Variants in ADAMTS3 observed in about 807,000 individuals in gnomAD.
The protein encoded by ADAMTS3 is A disintegrin and metalloproteinase with thrombospondin motifs 3.
ADAMTS3 carries 73 observed loss-of-function variants against 129.0 expected under a neutral mutation model. The observed-to-expected ratio is 0.57, with a 90% CI of 0.47 to 0.69. The LOEUF is 0.69. Ranked by LOEUF, ADAMTS3 falls within the 30% of genes least tolerant of loss-of-function variation. The pLI is 0.00. For missense variants in ADAMTS3, 1,457 were observed against 1,514.5 expected (o/e 0.96, Z 0.63); for synonymous variants, 477 against 510.8 (o/e 0.93, Z 0.89).
At chr4:72,417,160 C>A (rs576079836) in intron 3 of ADAMTS3, among the ~76,000 whole-genome samples, 1 of 152,180 alleles carries the variant, frequency 6.6e-6, no homozygotes, top group Non-Finnish European at 1.5e-5. Flanking sequence ...ACTAACATTT[C>A]CTTAGTTATA....
At chr4:72,363,212 T>C (rs925310459) in intron 4 of ADAMTS3, among the ~76,000 whole-genome samples, 1 of 152,062 alleles carries the variant, frequency 6.6e-6, no homozygotes, top group African/African-American at 2.4e-5. Context: ...AAAACATATA[T>C]ACCGCTGATG....
At chr4:72,521,084 A>C (rs1720660055) in intron 3 of ADAMTS3, among the ~76,000 whole-genome samples, 1 of 149,504 alleles carries the variant, frequency 6.7e-6, no homozygotes, top group South Asian at 2.1e-4. Flanking sequence ...TGCAACCTCC[A>C]CCTCCCCGGT....
chr4:72,423,416 C>T (rs948715705), intron 3 of ADAMTS3, among the ~76,000 whole-genome samples: 7 of 152,042 alleles, frequency 4.6e-5, no homozygotes, highest in African/African-American at 1.2e-4. Flanking sequence ...TATTTTAGTT[C>T]GCTAAGGTTC....
intron 3 of ADAMTS3, among the ~76,000 whole-genome samples, chr4:72,546,288 G>C (rs567482450): frequency 6.6e-6 from 1 of 152,210 alleles, no homozygotes; most frequent in African/African-American, 2.4e-5. Context: ...TACCAGTAAA[G>C]ATCTCTGTTA....
intron 3 of ADAMTS3, among the ~76,000 whole-genome samples, chr4:72,444,877 G>A (rs911608625): frequency 2.0e-5 from 3 of 151,700 alleles, no homozygotes; most frequent in South Asian, 2.1e-4. Context: ...GAAAGGAAAC[G>A]AAGAACTGAT....
At chr4:72,406,279 T>C (rs550773396) in intron 4 of ADAMTS3, among the ~76,000 whole-genome samples, 4 of 152,268 alleles carry the variant, frequency 2.6e-5, no homozygotes, top group East Asian at 3.9e-4. Context: ...AGCCCAGCAA[T>C]GCCTACTTGG....
At chr4:72,292,831 C>T (rs571941638) in intron 19 of ADAMTS3, among the ~76,000 whole-genome samples, 1 of 152,238 alleles carries the variant, frequency 6.6e-6, no homozygotes, top group East Asian at 1.9e-4. Flanking sequence ...CAGTTTAAGA[C>T]TGCTTTAGCT....
chr4:72,455,549 C>A (rs112491075), intron 3 of ADAMTS3, among the ~76,000 whole-genome samples: 1 of 148,936 alleles, frequency 6.7e-6, no homozygotes, highest in African/African-American at 2.5e-5. Context: ...GTGCAGCAAA[C>A]CATCATGGTA....
At chr4:72,415,978 C>T (rs951395290) in intron 3 of ADAMTS3, among the ~76,000 whole-genome samples, 2 of 151,364 alleles carry the variant, frequency 1.3e-5, no homozygotes, top group South Asian at 4.2e-4. Context: ...TTAGAGATGC[C>T]ATATTTTTTC....
intron 3 of ADAMTS3, among the ~76,000 whole-genome samples, chr4:72,527,980 A>T (rs1418749834): frequency 6.6e-6 from 1 of 152,182 alleles, no homozygotes; most frequent in Non-Finnish European, 1.5e-5. Flanking sequence ...GGACTTGTGG[A>T]TACAGAAGTA....
chr4:72,323,850 A>G (rs1050769206), intron 5 of ADAMTS3, among the ~76,000 whole-genome samples: 1 of 152,224 alleles, frequency 6.6e-6, no homozygotes, highest in Non-Finnish European at 1.5e-5. Flanking sequence ...CTCAGAGGTC[A>G]TAGTCCAATT....
chr4:72,479,807 C>T (rs1349056742), intron 3 of ADAMTS3, among the ~76,000 whole-genome samples: 1 of 152,130 alleles, frequency 6.6e-6, no homozygotes, highest in South Asian at 2.1e-4. Context: ...TGACAAAGGG[C>T]TAATATCCAG....
chr4:72,349,200 A>T (rs57351114), intron 4 of ADAMTS3, among the ~76,000 whole-genome samples: 9,664 of 152,104 alleles, frequency 0.064, 1,033 homozygotes, highest in African/African-American at 0.22. Context: ...AAATAGGCTG[A>T]GCTAGCTGAT....
chr4:72,524,054 C>T (rs1720743805), intron 3 of ADAMTS3, among the ~76,000 whole-genome samples: 1 of 151,954 alleles, frequency 6.6e-6, no homozygotes, highest in African/African-American at 2.4e-5. Flanking sequence ...TCCTTATTTC[C>T]CAAGTGTTTA....
chr4:72,455,949 A>T lies in ADAMTS3; in HGVS notation c.505-40978T>A, dbSNP rs184961720. Among the ~76,000 whole-genome samples, 350 of 67,862 alleles carry T rather than the reference A, an allele frequency of 5.2e-3. 17 individuals carry two copies. The highest frequency in any genetic ancestry group is 0.027 in the African/African-American group (327 of 11,970). The allele number at this position is 67,862 out of a possible 152,430, so 44.5% of individuals were successfully genotyped here. A position where few individuals can be genotyped will look rare whatever the true frequency, so the allele number is the denominator to read the frequency against. ...TATATTTTATATATAGTATATATAC[A>T]GTATATATACTATATATATTTTACA... On this transcript the variant is annotated intron_variant, in intron 3 of 21. Transcript: ENST00000286657.
intron 3 of ADAMTS3, among the ~76,000 whole-genome samples, chr4:72,504,372 T>C (rs1720102756): frequency 6.6e-6 from 1 of 152,232 alleles, no homozygotes; most frequent in South Asian, 2.1e-4. Flanking sequence ...GACTTCCTTG[T>C]CTTTAAGAAG....
chr4:72,542,170 T>C (rs1560559830), intron 3 of ADAMTS3, among the ~76,000 whole-genome samples: 3 of 82,736 alleles, frequency 3.6e-5, no homozygotes, highest in African/African-American at 2.1e-4. Flanking sequence ...ATTTGTTTTG[T>C]TTTCTTTGTT....
intron 3 of ADAMTS3, among the ~76,000 whole-genome samples, chr4:72,498,852 T>C (rs1269882027): frequency 3.9e-5 from 6 of 152,118 alleles, no homozygotes; most frequent in African/African-American, 1.4e-4. Flanking sequence ...ATAATCTGAA[T>C]GTTCATTGTT....
At chr4:72,548,969 A>C in intron 2 of ADAMTS3, 85 bp from the exon 3 acceptor site, 28 of 1,215,778 alleles carry the variant, frequency 2.3e-5, no homozygotes, top group Non-Finnish European at 3.1e-5. Context: ...TGCCCACCTC[A>C]CAAGACCATA....
Sources: gnomAD v4.1 joint callset for allele counts (sites outside exome capture counted in the v4.1 genomes callset) on GRCh38, gnomAD v4.1.1 for gene constraint, MANE v1.5 for transcripts, NCBI Gene and HGNC (gene_info 2026-07-23, HGNC 2026-07-21) for gene names.